The following TFRC variants were observed in gnomAD, a reference collection of about 807,000 sequenced individuals.
TFRC encodes transferrin receptor protein 1.
A neutral mutation model predicts 85.8 loss-of-function variants in TFRC; 35 were observed. The observed-to-expected ratio is 0.41, with a 90% CI of 0.31 to 0.54. TFRC has a LOEUF of 0.54. TFRC is among the 20% of genes least tolerant of loss of function. The probability of loss-of-function intolerance (pLI) is 0.31; values close to 1 mark genes in which losing one functional copy is unlikely to be tolerated. For missense variants in TFRC, 828 were observed against 921.5 expected, an observed-to-expected ratio of 0.90 and a Z score of 1.31; for synonymous variants, 362 against 328.6, an observed-to-expected ratio of 1.10 and a Z score of -1.10.
intron 1 of TFRC, among the ~76,000 whole-genome samples, chr3:196,081,614 C>T (rs908997713): frequency 7.2e-5 from 11 of 152,226 alleles, no homozygotes; most frequent in Non-Finnish European, 1.5e-4. Context: ...CTCCCGGACC[C>T]GCAGCCCGGA....
chr3:196,073,806 A>C (rs1419356726), intron 4 of TFRC, 124 bp downstream of exon 4: 1 of 1,051,762 alleles, frequency 9.5e-7, no homozygotes, highest in Non-Finnish European at 1.3e-6. Flanking sequence ...TCTTTAGCTA[A>C]ACATGACAAG....
chr3:196,063,276 T>C (rs41295895), intron 11 of TFRC: 3,560 of 186,878 alleles, frequency 0.019, 140 homozygotes, highest in African/African-American at 0.08. Flanking sequence ...CCAGAGATCA[T>C]TGAAAACAGT....
chr3:196,073,290 T>TA (rs35883754), intron 4 of TFRC, among the ~76,000 whole-genome samples: 1,687 of 135,436 alleles, frequency 0.012, 29 homozygotes, highest in African/African-American at 0.034. Flanking sequence ...CTCCATCTCT[T>TA]AAAAAAAAAA....
chr3:196,055,979 C>T (rs926310357), intron 16 of TFRC, among the ~76,000 whole-genome samples: 4 of 143,880 alleles, frequency 2.8e-5, no homozygotes, highest in Non-Finnish European at 6.1e-5. Context: ...CACAGCTCCC[C>T]GCAGCCTTGA....
chr3:196,080,761 C>A (rs1027982208), intron 1 of TFRC, among the ~76,000 whole-genome samples: 4 of 151,340 alleles, frequency 2.6e-5, no homozygotes, highest in Non-Finnish European at 5.9e-5. Flanking sequence ...CTATATATAA[C>A]CTTGCAAAAT....
chr3:196,052,158 G>A lies in TFRC; in HGVS notation c.2067C>T (p.Tyr689=), dbSNP rs199652297. ...GGAAAGGAGACTCTTTTGGAGATAC[G>A]TAGGGAGAGAGGAAGTGATACTCCA... ...MRVEYHFLSP[Y]VSPKESPFRH... is the part of the protein sequence containing the mutation. The change falls in exon 19 of 19, where the codon TAC becomes TAT. Residue 689 remains tyrosine (Y), a synonymous_variant. Transcript: ENST00000360110. 29 of 1,614,056 alleles carry A rather than the reference G, an allele frequency of 1.8e-5. No individual in the cohort carries two copies. Among genetic ancestry groups the A allele is most frequent in the South Asian group, 3.3e-5 (3 of 91,074 alleles).
intron 2 of TFRC, among the ~76,000 whole-genome samples, chr3:196,076,303 C>A (rs1008007912): frequency 6.6e-6 from 1 of 151,708 alleles, no homozygotes; most frequent in Non-Finnish European, 1.5e-5. Context: ...CTCAATGTTT[C>A]TTAAAATTTC....
chr3:196,073,391 G>C (rs1442974607), intron 4 of TFRC, among the ~76,000 whole-genome samples: 3 of 151,754 alleles, frequency 2.0e-5, no homozygotes, highest in Admixed American at 6.6e-5. Context: ...GGTGAGATGA[G>C]AGCACGCCAC....
chr3:196,080,146 C>T (rs1719046941), intron 1 of TFRC, among the ~76,000 whole-genome samples: 1 of 152,216 alleles, frequency 6.6e-6, no homozygotes, highest in South Asian at 2.1e-4. Context: ...CGCTGTCGCG[C>T]AGGCTGGAGT....
At chr3:196,064,249 T>C in intron 11 of TFRC, 60 bp downstream of exon 11, 1 of 1,513,468 alleles carries the variant, frequency 6.6e-7, no homozygotes, top group Non-Finnish European at 8.8e-7. Context: ...AAGCACAGTA[T>C]AACATCTAGA....
intron 1 of TFRC, chr3:196,081,757 G>C (rs982049925): frequency 6.6e-6 from 1 of 152,608 alleles, no homozygotes. Flanking sequence ...AAGGCAGAGA[G>C]AAGGGAAGGG....
chr3:196,066,455 T>TA (rs552749517), intron 9 of TFRC, among the ~76,000 whole-genome samples: 124 of 150,544 alleles, frequency 8.2e-4, no homozygotes, highest in Non-Finnish European at 1.5e-3. Flanking sequence ...ACTGTCAAAA[T>TA]AAAAAAAAAA....
intron 16 of TFRC, among the ~76,000 whole-genome samples, chr3:196,057,566 C>T (rs1397955544): frequency 6.6e-6 from 1 of 152,112 alleles, no homozygotes; most frequent in African/African-American, 2.4e-5. Context: ...CTACCACATC[C>T]AGCACATGTG....
intron 1 of TFRC, among the ~76,000 whole-genome samples, chr3:196,079,164 C>T (rs76451195): frequency 0.011 from 1,657 of 152,308 alleles, 29 homozygotes; most frequent in African/African-American, 0.038. Context: ...TCCACCAGAA[C>T]AGTAAGGACC....
intron 3 of TFRC, among the ~76,000 whole-genome samples, chr3:196,074,919 C>T (rs187240716): frequency 4.7e-5 from 7 of 148,752 alleles, no homozygotes; most frequent in South Asian, 2.1e-4. Context: ...TGGTCGTGGG[C>T]GCCTATAGTC....
In TFRC at chr3:196,053,428, C is replaced by T. The variant is rs41298067; in HGVS notation, c.2030G>A (p.Arg677His). 2.7e-5 allele frequency: 43 copies of T among 1,614,152 alleles called. No individual in the cohort carries two copies. The highest frequency in any genetic ancestry group is 3.2e-5 in the Non-Finnish European group (38 of 1,180,022). Residue 677 changes from arginine to histidine, a missense_variant, in exon 18 of 19, where the codon CGT (arginine) becomes CAT (histidine). Arg to His is a conservative substitution (Grantham distance 29, BLOSUM62 0). Transcript: ENST00000360110. ...DRFVMKKLND[R>H]VMRVEYHFLS... ...CAAAAGTTCACTTACTCTCATGACA[C>T]GATCATTGAGTTTCTTCATGACAAA...
chr3:196,075,483 C>T (rs1718608963), intron 2 of TFRC, 123 bp from the exon 3 acceptor site: 1 of 905,928 alleles, frequency 1.1e-6, no homozygotes, highest in South Asian at 1.6e-5. Flanking sequence ...AGGGTGTTCT[C>T]CTTTCAAACC....
intron 4 of TFRC, 22 bp downstream of exon 4, chr3:196,073,908 T>G: frequency 6.2e-7 from 1 of 1,604,468 alleles, no homozygotes; most frequent in African/African-American, 1.3e-5. Context: ...GTCTAGATAC[T>G]TGCACAGCAG....
At chr3:196,065,908 G>C (rs780510365) in intron 9 of TFRC, among the ~76,000 whole-genome samples, 13 of 151,624 alleles carry the variant, frequency 8.6e-5, no homozygotes, top group Non-Finnish European at 1.8e-4. Flanking sequence ...AGAATCGCTT[G>C]AACCTGGGAG....
Sources: allele counts gnomAD v4.1 joint callset (sites outside exome capture counted in the v4.1 genomes callset), GRCh38; gene constraint gnomAD v4.1.1; transcripts MANE v1.5; gene names NCBI Gene and HGNC (gene_info 2026-07-23, HGNC 2026-07-21).